The following RBFOX1 variants were observed in gnomAD, a reference collection of about 807,000 sequenced individuals.
The protein encoded by RBFOX1 is RNA binding fox-1 homolog 1.
A neutral mutation model predicts 57.7 loss-of-function variants in RBFOX1; 8 were observed. That is an observed-to-expected ratio of 0.14 (90% CI 0.08 to 0.25). RBFOX1 has a LOEUF of 0.25. RBFOX1 is among the 10% of genes least tolerant of loss of function. RBFOX1 has a pLI of 1.00. For synonymous variants in RBFOX1, 326 were observed against 222.4 expected, an observed-to-expected ratio of 1.47 and a Z score of -4.15; for missense variants, 611 against 548.5, an observed-to-expected ratio of 1.11 and a Z score of -1.14.
chr16:6,859,162 T>G (rs11859548), intron 3 of RBFOX1, among the ~76,000 whole-genome samples: 40 of 90,100 alleles, frequency 4.4e-4, no homozygotes, highest in Admixed American at 2.2e-3. Context: ...TGTATATATA[T>G]ACGTATATAT....
At chr16:7,687,702 A>C (rs1426579918) in intron 14 of RBFOX1, among the ~76,000 whole-genome samples, 1 of 152,130 alleles carries the variant, frequency 6.6e-6, no homozygotes, top group Non-Finnish European at 1.5e-5. Flanking sequence ...CATGATTATA[A>C]GACAATTACT....
At chr16:6,726,682 G>A (rs979350460) in intron 3 of RBFOX1, among the ~76,000 whole-genome samples, 4 of 152,130 alleles carry the variant, frequency 2.6e-5, no homozygotes, top group Non-Finnish European at 4.4e-5. Context: ...TCAGCGTCTG[G>A]ACTGGACCCC....
intron 3 of RBFOX1, among the ~76,000 whole-genome samples, chr16:6,874,381 G>C (rs750136302): frequency 6.6e-6 from 1 of 151,852 alleles, no homozygotes; most frequent in South Asian, 2.1e-4. Flanking sequence ...ATATTGGCAG[G>C]TGCCTGTAGT....
At chr16:6,076,491 A>G (rs2095903348) in intron 1 of RBFOX1, among the ~76,000 whole-genome samples, 1 of 151,892 alleles carries the variant, frequency 6.6e-6, no homozygotes, top group South Asian at 2.1e-4. Flanking sequence ...TTTTTGAGTT[A>G]GGGTCTTGCT....
chr16:6,490,126 C>A (rs2095598859), intron 2 of RBFOX1, among the ~76,000 whole-genome samples: 1 of 152,250 alleles, frequency 6.6e-6, no homozygotes, highest in Non-Finnish European at 1.5e-5. Context: ...ACGGGAATGA[C>A]CATGCCTATC....
chr16:6,934,998 G>A (rs990939714), intron 3 of RBFOX1, among the ~76,000 whole-genome samples: 4 of 151,988 alleles, frequency 2.6e-5, no homozygotes, highest in East Asian at 1.9e-4. Context: ...TGAGATAGGA[G>A]GACTGCTTGA....
At chr16:7,063,161 G>C (rs1453248140) in intron 4 of RBFOX1, among the ~76,000 whole-genome samples, 1 of 151,962 alleles carries the variant, frequency 6.6e-6, no homozygotes, top group African/African-American at 2.4e-5. Flanking sequence ...GGCACACGCA[G>C]GGCTAGATGC....
At chr16:6,513,391 T>C (rs1048473574) in intron 2 of RBFOX1, among the ~76,000 whole-genome samples, 1 of 152,108 alleles carries the variant, frequency 6.6e-6, no homozygotes, top group African/African-American at 2.4e-5. Flanking sequence ...ACATCAAACT[T>C]TTCAGGGGAA....
intron 4 of RBFOX1, among the ~76,000 whole-genome samples, chr16:7,459,465 A>G (rs2059151825): frequency 6.6e-6 from 1 of 152,224 alleles, no homozygotes; most frequent in Non-Finnish European, 1.5e-5. Context: ...TGGAGGTGAA[A>G]GAAGACATAA....
At chr16:7,333,494 A>G (rs1026736250) in intron 4 of RBFOX1, among the ~76,000 whole-genome samples, 18 of 152,202 alleles carry the variant, frequency 1.2e-4, no homozygotes, top group African/African-American at 4.1e-4. Flanking sequence ...GGAGCATGAA[A>G]TATGCATTAA....
intron 11 of RBFOX1, among the ~76,000 whole-genome samples, chr16:7,638,040 G>T (rs539618014): frequency 4.3e-4 from 65 of 152,210 alleles, no homozygotes; most frequent in African/African-American, 1.6e-3. Flanking sequence ...AAAATAATTT[G>T]GGTGTTAAAA....
At chr16:7,043,375 CCTTTCATTAGCA>C (rs1384492570) in intron 3 of RBFOX1, among the ~76,000 whole-genome samples, 13 of 152,086 alleles carry the variant, frequency 8.5e-5, no homozygotes, top group Non-Finnish European at 2.9e-5. Context: ...ATACACACCC[CCTTTCATTAGCA>C]CAGCGCTAGG....
chr16:5,303,782 A>G (rs1018700381), intron 1 of RBFOX1, among the ~76,000 whole-genome samples: 3 of 151,862 alleles, frequency 2.0e-5, no homozygotes, highest in African/African-American at 7.3e-5. Context: ...TCCTTTGAAA[A>G]TTCCAATAAA....
chr16:6,498,125 G>T (rs1272998921), intron 2 of RBFOX1, among the ~76,000 whole-genome samples: 1 of 151,862 alleles, frequency 6.6e-6, no homozygotes, highest in African/African-American at 2.4e-5. Context: ...GGTGGTACGT[G>T]CCTGTAGTCC....
At chr16:6,877,595 A>G (rs560497071) in intron 3 of RBFOX1, among the ~76,000 whole-genome samples, 8 of 152,222 alleles carry the variant, frequency 5.3e-5, no homozygotes, top group African/African-American at 1.7e-4. Flanking sequence ...TGCAACAATA[A>G]CCGTGTCTTT....
intron 15 of RBFOX1, chr16:7,709,690 A>T (rs2083616996): frequency 1.5e-6 from 2 of 1,298,782 alleles, no homozygotes; most frequent in Admixed American, 3.2e-5. Flanking sequence ...AAGTAGAAGG[A>T]ATCAGCTGGG....
intron 3 of RBFOX1, among the ~76,000 whole-genome samples, chr16:6,854,345 A>G (rs150897039): frequency 1.2e-4 from 18 of 152,250 alleles, no homozygotes; most frequent in African/African-American, 4.3e-4. Context: ...TATGGAACCT[A>G]TGAAGAGGAA....
At chr16:6,983,491 G>T (rs191384323) in intron 3 of RBFOX1, 1 of 151,098 alleles carries the variant, frequency 6.6e-6, no homozygotes, top group Non-Finnish European at 1.5e-5. Flanking sequence ...AAAAGGAAGC[G>T]CTTACTTCAG....
intron 1 of RBFOX1, among the ~76,000 whole-genome samples, chr16:6,268,592 T>G (rs2074825485): frequency 1.3e-5 from 2 of 152,180 alleles, no homozygotes; most frequent in Non-Finnish European, 2.9e-5. Flanking sequence ...TGAACCTGAC[T>G]ATAGTTCAGT....
Sources: gnomAD v4.1 joint callset for allele counts (sites outside exome capture counted in the v4.1 genomes callset) on GRCh38, gnomAD v4.1.1 for gene constraint, MANE v1.5 for transcripts, NCBI Gene and HGNC (gene_info 2026-07-23, HGNC 2026-07-21) for gene names.